Variants in LRWD1 observed in about 807,000 individuals in gnomAD.
LRWD1 encodes leucine rich repeats and WD repeat domain containing 1.
In LRWD1, 76 loss-of-function variants were observed where a neutral mutation model predicts 75.6. That is an observed-to-expected ratio of 1.01 (90% CI 0.84 to 1.22). The LOEUF (loss-of-function observed/expected upper bound fraction) is 1.22, where lower values mean the gene tolerates loss of function less well. Ranked by LOEUF, LRWD1 falls within the 50% of genes most tolerant of loss-of-function variation. The pLI, the probability that LRWD1 is intolerant of heterozygous loss-of-function variation, is 0.00. For synonymous variants in LRWD1, 487 were observed against 377.0 expected, an observed-to-expected ratio of 1.29 and a Z score of -3.38; for missense variants, 917 against 862.0, an observed-to-expected ratio of 1.06 and a Z score of -0.80.
At position 102,472,515 on chromosome 7, in the gene LRWD1, C is replaced by G. The variant is rs1195603578; in HGVS notation, c.1596C>G (p.Gly532=). Residue 532 remains glycine (G), a synonymous_variant, in exon 13 of 15, where the codon GGC becomes GGG. Coordinates refer to ENST00000292616, the MANE Select transcript of LRWD1 (RefSeq NM_152892.3). ...GGAGCTGGAGGCAGACGTGGGGGGG[C>G]CGGGGCAGCCAGTCCACGGTGGCAG... ...CLWSWRQTWG[G]RGSQSTVAVV... 6 of 1,558,142 alleles carry G rather than the reference C, an allele frequency of 3.9e-6. No individual in the cohort carries two copies. The East Asian group carries it at 7.1e-5, about 19-fold the overall frequency.
intron 11 of LRWD1, chr7:102,471,244 TTTA>T (rs1234425622): frequency 6.6e-6 from 1 of 152,668 alleles, no homozygotes; most frequent in Non-Finnish European, 1.5e-5. Flanking sequence ...CTTTTGTCTT[TTTA>T]ATAGAGACGG....
chr7:102,471,921 C>G, intron 11 of LRWD1: 1 of 384,102 alleles, frequency 2.6e-6, no homozygotes, highest in Non-Finnish European at 4.9e-6. Flanking sequence ...ACACTCGGTC[C>G]CAGAGGCACT....
chr7:102,467,529 G>C (rs1335781522), intron 4 of LRWD1, 50 bp downstream of exon 4: 1 of 1,601,386 alleles, frequency 6.2e-7, no homozygotes, highest in South Asian at 1.1e-5. Flanking sequence ...CGTATCTCTA[G>C]CTGCCTGGAG....
At chr7:102,472,333 C>G (rs1368876223) in intron 12 of LRWD1, 24 bp downstream of exon 12, 2 of 1,558,230 alleles carry the variant, frequency 1.3e-6, no homozygotes, top group East Asian at 4.8e-5. Flanking sequence ...GCTTGTGGGA[C>G]AGCCTGGCCT....
At chr7:102,469,671 A>T (rs1344148102) in intron 10 of LRWD1, 25 bp downstream of exon 10, 8 of 1,614,050 alleles carry the variant, frequency 5.0e-6, no homozygotes, top group Non-Finnish European at 6.8e-6. Flanking sequence ...GAGGCTGGGG[A>T]GTGGCCAGCT....
intron 3 of LRWD1, 97 bp downstream of exon 3, chr7:102,466,367 G>C: frequency 1.0e-6 from 1 of 963,338 alleles, no homozygotes; most frequent in East Asian, 2.5e-5. Flanking sequence ...GAGGGTGACT[G>C]ATAGAGGCTC....
At chr7:102,469,966 C>G in intron 11 of LRWD1, 84 bp downstream of exon 11, 2 of 1,411,246 alleles carry the variant, frequency 1.4e-6, no homozygotes, top group Non-Finnish European at 9.3e-7. Flanking sequence ...GCAGCCTGGG[C>G]ACACCCGGGT....
Position 102,465,177 on chromosome 7 carries a change from G to A in LRWD1, c.80+17G>A, listed in dbSNP as rs746915327. On this transcript the variant is annotated intron_variant, in intron 1 of 14. Transcript: ENST00000292616. ...GAGTCTGGAGTAAGAGCCGGGCAGCGGGTGAGGCTGTGTCCTCGGGGCCGG... is the reference window on the plus strand; with the variant it reads ...GAGTCTGGAGTAAGAGCCGGGCAGCAGGTGAGGCTGTGTCCTCGGGGCCGG... The A allele has an allele frequency of 6.8e-7, 1 of 1,475,138 alleles. No homozygotes were observed. Among genetic ancestry groups the A allele is most frequent in the Non-Finnish European group, 9.0e-7 (1 of 1,114,468 alleles). 91.4% of individuals were successfully genotyped at this position (1,475,138 alleles called of 1,614,324 possible).
intron 4 of LRWD1, 65 bp downstream of exon 4, chr7:102,467,544 C>T (rs1798048387): frequency 1.3e-6 from 2 of 1,594,682 alleles, no homozygotes; most frequent in Admixed American, 3.4e-5. Context: ...CTGGAGGTCC[C>T]TGGCCATGAA....
rs2133268135 is a variant in LRWD1, at chr7:102,468,664, A to G, written c.1020+10A>G. The G allele has an allele frequency of 6.4e-7, 1 of 1,558,548 alleles. No individual in the cohort carries two copies. The highest frequency in any genetic ancestry group is 8.7e-7 in the Non-Finnish European group (1 of 1,151,256). On this transcript the variant is annotated intron_variant, in intron 8 of 14. Transcript: ENST00000292616. ...CAAGGCACCCGGCGAGGTGAGTGCA[A>G]GGCCCTGTCCCTGCTGGGCAAGGGT...
At chr7:102,471,988 C>A in intron 11 of LRWD1, 1 of 521,104 alleles carries the variant, frequency 1.9e-6, no homozygotes, top group East Asian at 3.5e-5. Flanking sequence ...GGAAGAGCCA[C>A]CCCTCGTGCC....
At position 102,473,046 on chromosome 7, in the gene LRWD1, G is replaced by A. The variant is rs1277527121; in HGVS notation, c.1941G>A (p.Met647Ile). 3.1e-6 allele frequency: 5 copies of A among 1,612,220 alleles called. No individual in the cohort carries two copies. Among genetic ancestry groups the A allele is most frequent in the Non-Finnish European group, 4.2e-6 (5 of 1,179,074 alleles). Reference protein sequence around the residue: ...DSNIVAIWGRM With the variant: ...DSNIVAIWGRI ...ACATCGTAGCCATCTGGGGGAGGAT[G>A]TAGCCTCACACCATCGCAAAGGACC... Residue 647 changes from methionine to isoleucine, a missense_variant, in exon 15 of 15, where the codon ATG becomes ATA. Met to Ile is a conservative substitution (Grantham distance 10). Coordinates refer to ENST00000292616, the MANE Select transcript of LRWD1 (RefSeq NM_152892.3).
chr7:102,472,400 G>A (rs1798225496), intron 12 of LRWD1, 54 bp from the exon 13 acceptor site: 2 of 1,549,412 alleles, frequency 1.3e-6, no homozygotes, highest in Non-Finnish European at 1.7e-6. Flanking sequence ...ATCTCTAGTG[G>A]GAGAAGGTGT....
intron 3 of LRWD1, among the ~76,000 whole-genome samples, 166 bp from the exon 4 acceptor site, chr7:102,467,171 GGT>G (rs1209487514): frequency 0.085 from 8,380 of 98,572 alleles, 518 homozygotes; most frequent in South Asian, 0.19. Flanking sequence ...GTGTGTGTGG[GGT>G]GTGTGTGTGT....
At chr7:102,467,941 C>G in intron 5 of LRWD1, 118 bp downstream of exon 5, 1 of 1,505,316 alleles carries the variant, frequency 6.6e-7, no homozygotes, top group Non-Finnish European at 8.9e-7. Context: ...TGGCTCACTC[C>G]CTAGGTGACC....
rs757784516 is a variant in LRWD1, at chr7:102,466,070, C to T, written c.315+19C>T. On this transcript the variant is annotated intron_variant, in intron 2 of 14. Coordinates refer to ENST00000292616, the MANE Select transcript of LRWD1 (RefSeq NM_152892.3). ...CCTGACGGTAAGTGGGAGCCTCCCA[C>T]CAGCTTCATACCTGGGGCCAGGACT... 1 of 1,613,810 alleles carries T rather than the reference C, an allele frequency of 6.2e-7. No individual in the cohort carries two copies. Among genetic ancestry groups the T allele is most frequent in the Non-Finnish European group, 8.5e-7 (1 of 1,179,704 alleles).
chr7:102,472,848 TCAGGGGCCCTGCCTTTGGTCAG>T (rs765529812), intron 14 of LRWD1, 39 bp from the exon 15 acceptor site: 3 of 1,611,666 alleles, frequency 1.9e-6, no homozygotes, highest in South Asian at 1.1e-5. Flanking sequence ...TGGCAAGGCA[TCAGGGGCCCTGCCTTTGGTCAG>T]CAGGAGCCCA....
chr7:102,469,596 C>T lies in LRWD1; in HGVS notation c.1251C>T (p.Ile417=). The change falls in exon 10 of 15, where the codon ATC becomes ATT. Residue 417 remains isoleucine, a synonymous_variant. Transcript: ENST00000292616. ...CAGCGGCCTCCTATGACAAGCGGATCATCCTCTGGGACATCGGGGTGCCCA... is the reference window on the plus strand; with the variant it reads ...CAGCGGCCTCCTATGACAAGCGGATTATCCTCTGGGACATCGGGGTGCCCA... ...HLFTASYDKR[I]ILWDIGVPNQ... is the part of the protein sequence containing the mutation. 1 of 1,614,190 alleles carries T rather than the reference C, an allele frequency of 6.2e-7. No individual in the cohort carries two copies. The highest frequency in any genetic ancestry group is 8.5e-7 in the Non-Finnish European group (1 of 1,180,000).
intron 3 of LRWD1, among the ~76,000 whole-genome samples, 168 bp from the exon 4 acceptor site, chr7:102,467,171 G>GTGTGTGTATGTGT (rs1554579596): frequency 1.0e-5 from 1 of 99,116 alleles, no homozygotes; most frequent in African/African-American, 4.4e-5. Context: ...GTGTGTGTGG[G>GTGTGTGTATGTGT]GTGTGTGTGT....
Sources: gnomAD v4.1 joint callset for allele counts (sites outside exome capture counted in the v4.1 genomes callset) on GRCh38, gnomAD v4.1.1 for gene constraint, MANE v1.5 for transcripts, NCBI Gene and HGNC (gene_info 2026-07-23, HGNC 2026-07-21) for gene names.